UBAP2: variants seen among roughly 807,000 people sequenced by gnomAD.
UBAP2 encodes the protein ubiquitin-associated protein 2.
In UBAP2, 75 loss-of-function variants were observed where a neutral mutation model predicts 139.6. The observed-to-expected ratio is 0.54, with a 90% CI of 0.45 to 0.65. The LOEUF (loss-of-function observed/expected upper bound fraction) is 0.65, where lower values mean the gene tolerates loss of function less well. Ranked by LOEUF, UBAP2 falls within the 30% of genes least tolerant of loss-of-function variation. The probability of loss-of-function intolerance (pLI) is 0.00; values close to 1 mark genes in which losing one functional copy is unlikely to be tolerated. For missense variants in UBAP2, 1,368 were observed against 1,369.6 expected (o/e 1.00, Z 0.02); for synonymous variants, 526 against 526.2 (o/e 1.00, Z 0.01).
At chr9:33,983,100 G>A (rs183510573) in intron 6 of UBAP2, among the ~76,000 whole-genome samples, 35 of 151,996 alleles carry the variant, frequency 2.3e-4, no homozygotes, top group African/African-American at 7.5e-4. Context: ...GGCTGGTCTC[G>A]AACTCCTGAC....
chr9:33,950,989 T>C lies in UBAP2; in HGVS notation c.1056+2296A>G, dbSNP rs564760243. Among the ~76,000 whole-genome samples, 12 of 152,360 alleles carry C rather than the reference T, an allele frequency of 7.9e-5. No homozygotes were observed. In the South Asian group the frequency reaches 2.5e-3, roughly 32 times the overall value. On this transcript the variant is annotated intron_variant, in intron 12 of 28. Transcript: ENST00000379238. ...TGTTTTGTTTTAGAGACTTGGGAAA[T>C]ATCATCATCACTTCTGTTGCTGCTG...
intron 12 of UBAP2, among the ~76,000 whole-genome samples, chr9:33,949,618 G>A (rs1041897081): frequency 2.6e-5 from 4 of 152,264 alleles, no homozygotes; most frequent in Non-Finnish European, 4.4e-5. Flanking sequence ...CAGGAGAATC[G>A]CTTGAACCCA....
chr9:34,048,977 C>G (rs188520108), upstream of UBAP2: 1 of 152,402 alleles, frequency 6.6e-6, no homozygotes, highest in South Asian at 2.1e-4. Context: ...CAACACGTCG[C>G]TCGTGCGCGG....
At chr9:34,007,209 T>C (rs534439527) in intron 2 of UBAP2, among the ~76,000 whole-genome samples, 3 of 152,254 alleles carry the variant, frequency 2.0e-5, no homozygotes, top group African/African-American at 7.2e-5. Context: ...AGTACTCAAG[T>C]GAGGCCAGGT....
intron 2 of UBAP2, among the ~76,000 whole-genome samples, chr9:34,003,122 G>A (rs927671305): frequency 6.6e-6 from 1 of 151,516 alleles, no homozygotes; most frequent in Non-Finnish European, 1.5e-5. Context: ...TGTGCTCTCG[G>A]CTCGCTGCAA....
At chr9:33,994,175 T>C (rs542293928) in intron 4 of UBAP2, among the ~76,000 whole-genome samples, 73 of 152,304 alleles carry the variant, frequency 4.8e-4, no homozygotes, top group African/African-American at 1.7e-3. Flanking sequence ...ATTACAGGCA[T>C]GAGCCGCAGT....
At chr9:34,044,539 G>A (rs1233747836) in intron 1 of UBAP2, among the ~76,000 whole-genome samples, 3 of 152,030 alleles carry the variant, frequency 2.0e-5, no homozygotes, top group South Asian at 4.1e-4. Flanking sequence ...TCCAGCCTGG[G>A]CGACAGAGAA....
chr9:34,037,063 G>T (rs1055544434), intron 1 of UBAP2, among the ~76,000 whole-genome samples: 1 of 140,844 alleles, frequency 7.1e-6, no homozygotes, highest in Non-Finnish European at 1.5e-5. Context: ...ATCTCGGCTC[G>T]CTGCAACCTC....
At position 33,944,596 on chromosome 9, in the gene UBAP2, C is replaced by T; in HGVS notation, c.1314G>A (p.Leu438=). The T allele has an allele frequency of 1.2e-6, 2 of 1,614,070 alleles. No homozygotes were observed. The highest frequency in any genetic ancestry group is 1.7e-6 in the Non-Finnish European group (2 of 1,180,016). ...GGCTCTGGTGCTGTTGTCGCTGGCT[C>T]AACTGGCTAAGAACTGGGGATGGCT... ...QPEPSPVLSQ[L]SQRQQHQSQA... Residue 438 remains leucine, a synonymous_variant, in exon 14 of 29, where the codon TTG becomes TTA. Coordinates refer to ENST00000379238, the MANE Select transcript of UBAP2 (RefSeq NM_001370062.2).
chr9:33,971,176 C>T (rs542846946), intron 8 of UBAP2, among the ~76,000 whole-genome samples: 16 of 152,272 alleles, frequency 1.1e-4, no homozygotes, highest in African/African-American at 3.6e-4. Context: ...AATATTTACC[C>T]CAAGAATTTC....
At chr9:33,926,080 C>T (rs921262235) in intron 22 of UBAP2, among the ~76,000 whole-genome samples, 5 of 152,176 alleles carry the variant, frequency 3.3e-5, no homozygotes, top group Admixed American at 3.3e-4. Flanking sequence ...CCACCAGGGA[C>T]GTCCCAGGGC....
In UBAP2 at chr9:34,008,500, T is replaced by C. The variant is rs1228462199; in HGVS notation, c.99+8550A>G. On this transcript the variant is annotated intron_variant, in intron 2 of 28. Coordinates refer to ENST00000379238, the MANE Select transcript of UBAP2 (RefSeq NM_001370062.2). Reference sequence around the variant, plus strand: ...AGCTCAGGCCTGTAATCTCAGCACTTTGGGAGGCTGAGGCAGACGGATCAC... The same window carrying C: ...AGCTCAGGCCTGTAATCTCAGCACTCTGGGAGGCTGAGGCAGACGGATCAC... Among the ~76,000 whole-genome samples, 5 of 151,932 alleles carry C rather than the reference T, an allele frequency of 3.3e-5. No individual in the cohort carries two copies. In the East Asian group the frequency reaches 7.7e-4, roughly 23 times the overall value.
intron 15 of UBAP2, among the ~76,000 whole-genome samples, chr9:33,942,173 G>A (rs1429426055): frequency 1.3e-5 from 2 of 152,070 alleles, no homozygotes; most frequent in African/African-American, 4.8e-5. Flanking sequence ...TTAGCAGGGC[G>A]TGGCAGTGGG....
intron 15 of UBAP2, among the ~76,000 whole-genome samples, chr9:33,942,292 C>T (rs1825292198): frequency 6.6e-6 from 1 of 151,304 alleles, no homozygotes; most frequent in Non-Finnish European, 1.5e-5. Flanking sequence ...AGCCTGGCGA[C>T]AGAGCAAGAC....
At chr9:34,021,408 C>A (rs1564067129) in intron 1 of UBAP2, among the ~76,000 whole-genome samples, 2 of 152,176 alleles carry the variant, frequency 1.3e-5, no homozygotes, top group Non-Finnish European at 2.9e-5. Context: ...TATGAATACA[C>A]ATTTTGCATC....
chr9:34,018,958 TC>T (rs1824651644), intron 1 of UBAP2, among the ~76,000 whole-genome samples: 1 of 152,054 alleles, frequency 6.6e-6, no homozygotes, highest in East Asian at 1.9e-4. Flanking sequence ...TACCCAAGTG[TC>T]CATCAATAGA....
In UBAP2 at chr9:33,923,031, C is replaced by G; in HGVS notation, c.3007G>C (p.Val1003Leu). 1.9e-6 allele frequency: 3 copies of G among 1,614,110 alleles called. No individual in the cohort carries two copies. The highest frequency in any genetic ancestry group is 1.1e-5 in the South Asian group (1 of 91,088). Reference sequence around the variant, plus strand: ...CCAGTGGTGCTTGAAGACACTGATACTCCTAGGAGGAAAAGCAGTTGTTCC... The same window carrying G: ...CCAGTGGTGCTTGAAGACACTGATAGTCCTAGGAGGAAAAGCAGTTGTTCC... Reference protein sequence around the residue: ...KSAGSGPGKGVSVSSSTTGLP... With the variant: ...KSAGSGPGKGLSVSSSTTGLP... The change falls in exon 27 of 29, where the codon GTA (valine) becomes CTA (leucine). Residue 1003 changes from valine to leucine, a missense_variant and splice_region_variant. Transcript: ENST00000379238.
intron 2 of UBAP2, among the ~76,000 whole-genome samples, chr9:34,003,696 C>A (rs1822928298): frequency 6.6e-6 from 1 of 151,770 alleles, no homozygotes; most frequent in Non-Finnish European, 1.5e-5. Context: ...CGTGAGCCAC[C>A]ACACACGGCC....
intron 19 of UBAP2, among the ~76,000 whole-genome samples, chr9:33,930,995 T>C (rs1242196251): frequency 1.3e-5 from 2 of 148,640 alleles, no homozygotes; most frequent in African/African-American, 5.0e-5. Context: ...ATGGAGAAAA[T>C]GTAAGGGTAG....
Sources: gnomAD v4.1 joint callset for allele counts (sites outside exome capture counted in the v4.1 genomes callset) on GRCh38, gnomAD v4.1.1 for gene constraint, MANE v1.5 for transcripts, NCBI Gene and HGNC (gene_info 2026-07-23, HGNC 2026-07-21) for gene names.